PTK2: variants seen among roughly 807,000 people sequenced by gnomAD.
PTK2 encodes protein tyrosine kinase 2.
In PTK2, 45 loss-of-function variants were observed where a neutral mutation model predicts 150.1. The ratio of observed to expected loss-of-function variants is 0.30; its 90% CI spans 0.24 to 0.38. PTK2 has a LOEUF of 0.38. Ranked by LOEUF, PTK2 falls within the 10% of genes least tolerant of loss-of-function variation. The pLI, the probability that PTK2 is intolerant of heterozygous loss-of-function variation, is 1.00. For missense variants in PTK2, 919 were observed against 1,307.3 expected (o/e 0.70, Z 4.58); for synonymous variants, 432 against 449.2 (o/e 0.96, Z 0.48).
At chr8:140,752,820 G>C (rs550455431) in intron 16 of PTK2, among the ~76,000 whole-genome samples, 16 of 152,356 alleles carry the variant, frequency 1.1e-4, no homozygotes, top group Admixed American at 3.9e-4. Context: ...AAAAACTAAA[G>C]GAGGGAGGAG....
chr8:140,965,464 T>C (rs115724140), intron 1 of PTK2, among the ~76,000 whole-genome samples: 1 of 152,148 alleles, frequency 6.6e-6, no homozygotes, highest in Non-Finnish European at 1.5e-5. Context: ...GCACAAGGTA[T>C]TGGACATGCA....
chr8:140,659,317 T>A, exon 32 of PTK2: 1 of 617,566 alleles, frequency 1.6e-6, no homozygotes, highest in East Asian at 2.9e-5. Flanking sequence ...TAAACTTATA[T>A]GAGAAAGATT....
chr8:140,890,486 C>T, intron 3 of PTK2, 57 bp downstream of exon 3: 3 of 1,387,686 alleles, frequency 2.2e-6, no homozygotes, highest in Non-Finnish European at 3.0e-6. Flanking sequence ...TTCATACATG[C>T]CATTACATTT....
chr8:140,821,919 G>C (rs1380017003), intron 8 of PTK2: 1 of 152,194 alleles, frequency 6.6e-6, no homozygotes, highest in African/African-American at 2.4e-5. Flanking sequence ...AGCCTCAGAT[G>C]CTCTATAAAC....
intron 14 of PTK2, among the ~76,000 whole-genome samples, chr8:140,780,370 G>A (rs952454432): frequency 1.3e-5 from 2 of 152,052 alleles, no homozygotes; most frequent in Admixed American, 6.5e-5. Flanking sequence ...ACAACCAGAT[G>A]TACATCACCT....
intron 21 of PTK2, among the ~76,000 whole-genome samples, chr8:140,736,323 G>C (rs989860189): frequency 6.6e-6 from 1 of 152,074 alleles, no homozygotes; most frequent in Non-Finnish European, 1.5e-5. Flanking sequence ...CTAAACCCTG[G>C]ATACATATGG....
chr8:140,864,189 C>T (rs918106648), intron 5 of PTK2, 123 bp downstream of exon 5: 3 of 509,668 alleles, frequency 5.9e-6, no homozygotes, highest in East Asian at 6.6e-5. Context: ...ATTCTTATTG[C>T]CATTCAGCAA....
At chr8:140,938,981 A>ATT (rs5895651) in intron 1 of PTK2, among the ~76,000 whole-genome samples, 301 of 149,156 alleles carry the variant, frequency 2.0e-3, no homozygotes, top group East Asian at 0.014. Context: ...CATTCTCAGT[A>ATT]TTTTTTTTTT....
intron 20 of PTK2, among the ~76,000 whole-genome samples, chr8:140,740,574 C>T (rs4445273): frequency 0.59 from 89,116 of 152,096 alleles, 27,889 homozygotes; most frequent in African/African-American, 0.81. Context: ...ATGGAATGTA[C>T]ACTTATTAAC....
intron 1 of PTK2, among the ~76,000 whole-genome samples, chr8:140,963,695 C>A (rs761805747): frequency 3.3e-5 from 5 of 152,196 alleles, no homozygotes; most frequent in Non-Finnish European, 7.3e-5. Flanking sequence ...ATTAGAAATT[C>A]TTTGCTTTGA....
intron 29 of PTK2, among the ~76,000 whole-genome samples, chr8:140,671,933 G>C (rs1256540582): frequency 8.5e-6 from 1 of 117,380 alleles, no homozygotes; most frequent in African/African-American, 3.2e-5. Context: ...CTCTGTCTCA[G>C]GGGGGCGGGG....
intron 1 of PTK2, among the ~76,000 whole-genome samples, chr8:140,973,306 C>T (rs2100188054): frequency 6.6e-6 from 1 of 152,192 alleles, no homozygotes; most frequent in Non-Finnish European, 1.5e-5. Flanking sequence ...CCACAGCAAA[C>T]ACCAGGCTTG....
At chr8:140,823,198 T>C (rs1001094291) in intron 8 of PTK2, among the ~76,000 whole-genome samples, 4 of 152,214 alleles carry the variant, frequency 2.6e-5, no homozygotes, top group Admixed American at 2.0e-4. Context: ...ATTAACCAAA[T>C]GTTGGTATAT....
chr8:140,660,698 C>A (rs1332666132), intron 31 of PTK2: 1 of 443,946 alleles, frequency 2.3e-6, no homozygotes, highest in Non-Finnish European at 4.5e-6. Flanking sequence ...TGCACTCCAG[C>A]CTGGGTGACA....
At chr8:140,770,755 G>C in intron 14 of PTK2, 1 of 1,357,326 alleles carries the variant, frequency 7.4e-7, no homozygotes, top group Non-Finnish European at 9.8e-7. Flanking sequence ...ACCAAAGGGA[G>C]AAAGCGCCTA....
intron 7 of PTK2, among the ~76,000 whole-genome samples, chr8:140,839,260 A>G (rs4581102): frequency 0.99 from 151,250 of 152,242 alleles, 75,141 homozygotes; most frequent in Middle Eastern, 1. Flanking sequence ...GGACCTGACG[A>G]AGGCGGAAGT....
intron 1 of PTK2, among the ~76,000 whole-genome samples, chr8:140,972,073 T>C (rs1371349404): frequency 6.6e-6 from 1 of 152,202 alleles, no homozygotes. Flanking sequence ...AGATAAAATA[T>C]GTAAAATCTC....
At chr8:140,911,711 C>T (rs1332157399) in intron 2 of PTK2, among the ~76,000 whole-genome samples, 3 of 149,828 alleles carry the variant, frequency 2.0e-5, no homozygotes, top group Non-Finnish European at 3.0e-5. Context: ...ACTACCCCAC[C>T]GAAAGGGCTA....
At chr8:140,686,589 C>G (rs374549965) in intron 27 of PTK2, 43 bp downstream of exon 30, 237 of 1,520,824 alleles carry the variant, frequency 1.6e-4, no homozygotes, top group Non-Finnish European at 2.1e-4. Context: ...GGTCCACGCA[C>G]AGGAGAACTG....
Sources: allele counts gnomAD v4.1 joint callset (sites outside exome capture counted in the v4.1 genomes callset), GRCh38; gene constraint gnomAD v4.1.1; transcripts MANE v1.5; gene names NCBI Gene and HGNC (gene_info 2026-07-23, HGNC 2026-07-21).